NAA60: variants seen among roughly 807,000 people sequenced by gnomAD.
NAA60 encodes the protein N-alpha-acetyltransferase 60, NatF catalytic subunit.
Under a neutral mutation model 26.1 loss-of-function variants are expected in NAA60, and 8 were observed. The ratio of observed to expected loss-of-function variants is 0.31; its 90% CI spans 0.18 to 0.55. NAA60 has a LOEUF of 0.55. NAA60 is among the 20% of genes least tolerant of loss of function. NAA60 has a pLI of 0.93. For missense variants in NAA60, 290 were observed against 311.3 expected (o/e 0.93, Z 0.51); for synonymous variants, 131 against 122.5 (o/e 1.07, Z -0.46).
chr16:3,458,297 C>T, intron 2 of NAA60: 1 of 670,806 alleles, frequency 1.5e-6, no homozygotes, highest in Non-Finnish European at 1.8e-6. Flanking sequence ...CGGGTACGAG[C>T]GCGCTGGTGA....
chr16:3,479,155 G>C (rs532483251), intron 3 of NAA60, among the ~76,000 whole-genome samples: 3 of 152,198 alleles, frequency 2.0e-5, no homozygotes, highest in African/African-American at 7.2e-5. Context: ...CAGGAGAATC[G>C]ATTGAACCCA....
chr16:3,453,911 C>T (rs749442928), intron 2 of NAA60, among the ~76,000 whole-genome samples: 7 of 152,104 alleles, frequency 4.6e-5, no homozygotes, highest in South Asian at 4.1e-4. Context: ...ATAGAGCTTG[C>T]GTAGGGCCAT....
In NAA60 at chr16:3,485,042, A is replaced by T. The variant is rs1255783005; in HGVS notation, c.*187A>T. ...AACAGAACATCGTGGGCATGCGCAG[A>T]GCATGCCCATCCGTGGCAGGTACGC... On this transcript the variant is annotated 3_prime_UTR_variant, in exon 7 of 8. Transcript: ENST00000407558. 2 of 1,484,320 alleles carry T rather than the reference A, an allele frequency of 1.3e-6. No homozygotes were observed. Among genetic ancestry groups the T allele is most frequent in the African/African-American group, 2.8e-5 (2 of 71,796 alleles). The allele number at this position is 1,484,320 out of a possible 1,614,324, so 91.9% of individuals were successfully genotyped here.
chr16:3,459,089 A>G lies in NAA60; in HGVS notation c.-7+10549A>G, dbSNP rs145432842. On this transcript the variant is annotated intron_variant, in intron 2 of 7. Coordinates refer to ENST00000407558, the MANE Select transcript of NAA60 (RefSeq NM_001083601.3). ...TTGTGTCACTCATTTATCTTGAAAG[A>G]AAAGGTTAACAGCCCAACAGAGTAG... 2.8e-3 allele frequency among the ~76,000 whole-genome samples: 433 copies of G among 152,306 alleles called. 3 individuals carry two copies. The highest frequency in any genetic ancestry group is 7.1e-3 in the Admixed American group (109 of 15,298).
At chr16:3,481,271 G>T (rs1212518869) in intron 4 of NAA60, among the ~76,000 whole-genome samples, 2 of 152,146 alleles carry the variant, frequency 1.3e-5, no homozygotes, top group Non-Finnish European at 2.9e-5. Context: ...TGTATTTTTA[G>T]TGGAGATGGG....
chr16:3,450,159 A>G (rs778207724), intron 2 of NAA60: 3 of 367,732 alleles, frequency 8.2e-6, no homozygotes, highest in Non-Finnish European at 1.5e-5. Flanking sequence ...ACCCTTCAGA[A>G]CCATGAGTTG....
At chr16:3,462,105 A>AAAAAAAAAAAAAC (rs2035448354) in intron 2 of NAA60, among the ~76,000 whole-genome samples, 1 of 150,744 alleles carries the variant, frequency 6.6e-6, no homozygotes, top group Non-Finnish European at 1.5e-5. Context: ...AAAAAAAAAA[A>AAAAAAAAAAAAAC]CCTTTCAGTG....
chr16:3,444,534 A>T (rs1328754620), intron 1 of NAA60, among the ~76,000 whole-genome samples: 1 of 152,252 alleles, frequency 6.6e-6, no homozygotes, highest in African/African-American at 2.4e-5. Context: ...TGCCAGGCAC[A>T]TTCCTGTATC....
rs565989019 is a variant in NAA60, at chr16:3,464,629, TG to T, written c.-6-11590del. 8.7e-3 allele frequency among the ~76,000 whole-genome samples: 1,329 copies of T among 152,328 alleles called. 10 individuals carry two copies. The highest frequency in any genetic ancestry group is 0.015 in the Non-Finnish European group (996 of 68,032). On this transcript the variant is annotated intron_variant, in intron 2 of 7. Coordinates refer to ENST00000407558, the MANE Select transcript of NAA60 (RefSeq NM_001083601.3). ...TTGAGCCTTAAACAGGGTCCAGTCT[TG>T]GGTGTTAGTCAAGAATGCTGTTCAA...
chr16:3,458,337 C>T (rs2035128911), intron 2 of NAA60, among the ~76,000 whole-genome samples: 1 of 151,010 alleles, frequency 6.6e-6, no homozygotes, highest in Non-Finnish European at 1.5e-5. Flanking sequence ...GCGCCCCCGG[C>T]GCACGGTCCT....
At chr16:3,446,363 A>G (rs994552109) in intron 1 of NAA60, among the ~76,000 whole-genome samples, 4 of 151,734 alleles carry the variant, frequency 2.6e-5, no homozygotes, top group African/African-American at 9.7e-5. Flanking sequence ...AACCCCATCT[A>G]TACTAAAAAT....
intron 2 of NAA60, among the ~76,000 whole-genome samples, chr16:3,453,400 T>A (rs922495065): frequency 6.6e-5 from 10 of 151,618 alleles, no homozygotes; most frequent in Non-Finnish European, 1.5e-5. Flanking sequence ...TCTCCAATAA[T>A]GAAATCATGA....
intron 2 of NAA60, among the ~76,000 whole-genome samples, chr16:3,458,420 C>T (rs976878812): frequency 6.6e-6 from 1 of 152,120 alleles, no homozygotes; most frequent in African/African-American, 2.4e-5. Context: ...GAGGTCGCGG[C>T]TCTCATGCTG....
intron 2 of NAA60, among the ~76,000 whole-genome samples, chr16:3,454,797 G>C (rs186295110): frequency 6.6e-6 from 1 of 152,202 alleles, no homozygotes; most frequent in Admixed American, 6.5e-5. Flanking sequence ...AGCCAAGGGA[G>C]AATGGGATGA....
Position 3,448,466 on chromosome 16 carries a change from T to G in NAA60, c.-76-5T>G, listed in dbSNP as rs1388418522. ...GTGATGGCCTTGTGTCTTTCTCCCC[T>G]GCAGCATACAGAAAGGCTGTACCTG... On this transcript the variant is annotated splice_polypyrimidine_tract_variant and splice_region_variant and intron_variant, in intron 1 of 7. Coordinates refer to ENST00000407558, the MANE Select transcript of NAA60 (RefSeq NM_001083601.3). The G allele has an allele frequency of 1.3e-6, 2 of 1,535,260 alleles. No individual in the cohort carries two copies. The highest frequency in any genetic ancestry group is 8.7e-7 in the Non-Finnish European group (1 of 1,146,750).
chr16:3,465,198 C>G (rs1285678838), intron 2 of NAA60, among the ~76,000 whole-genome samples: 1 of 148,872 alleles, frequency 6.7e-6, no homozygotes, highest in Non-Finnish European at 1.5e-5. Flanking sequence ...ACCCGGGAGG[C>G]GGAGCTTGCA....
intron 2 of NAA60, among the ~76,000 whole-genome samples, chr16:3,455,273 G>C (rs938133728): frequency 1.3e-5 from 2 of 152,170 alleles, no homozygotes; most frequent in South Asian, 2.1e-4. Flanking sequence ...TGTTGGCCAG[G>C]CTGGTCTGCT....
At chr16:3,447,790 T>C (rs561077742) in intron 1 of NAA60, among the ~76,000 whole-genome samples, 1 of 152,316 alleles carries the variant, frequency 6.6e-6, no homozygotes, top group South Asian at 2.1e-4. Context: ...GTTTTGAAAT[T>C]AGCACAACTT....
At chr16:3,485,342 G>A in intron 7 of NAA60, 125 bp from the exon 8 acceptor site, 1 of 486,840 alleles carries the variant, frequency 2.1e-6, no homozygotes, top group Non-Finnish European at 4.0e-6. Flanking sequence ...AGACACCATG[G>A]CCTGGAGAAG....
Sources: gnomAD v4.1 joint callset for allele counts (sites outside exome capture counted in the v4.1 genomes callset) on GRCh38, gnomAD v4.1.1 for gene constraint, MANE v1.5 for transcripts, NCBI Gene and HGNC (gene_info 2026-07-23, HGNC 2026-07-21) for gene names.